The following PNPT1 variants were observed in gnomAD, a reference collection of about 807,000 sequenced individuals.
PNPT1 encodes the protein polyribonucleotide nucleotidyltransferase 1, mitochondrial.
A neutral mutation model predicts 119.5 loss-of-function variants in PNPT1; 53 were observed. The observed-to-expected ratio is 0.44, with a 90% confidence interval of 0.36 to 0.56. PNPT1 has a LOEUF of 0.56. PNPT1 is among the 20% of genes least tolerant of loss of function. The pLI, the probability that PNPT1 is intolerant of heterozygous loss-of-function variation, is 0.00. For missense variants in PNPT1, 948 were observed against 938.5 expected (o/e 1.01, Z -0.13); for synonymous variants, 357 against 322.1 (o/e 1.11, Z -1.16).
Position 55,640,669 on chromosome 2 carries a change from C to G in PNPT1, c.2106G>C (p.Met702Ile), listed in dbSNP as rs148804101. 41 of 1,592,790 alleles carry G rather than the reference C, an allele frequency of 2.6e-5. No individual in the cohort carries two copies. Among genetic ancestry groups the G allele is most frequent in the Admixed American group, 6.7e-5 (4 of 59,826 alleles). ...TGVMVKLYPN[M>I]TAVLLHNTQL... ...GTGTGTTATGAAGCAGTACCGCAGT[C>G]ATATTTGGATATAATTTTACCATTA... Residue 702 changes from methionine (M) to isoleucine (I), a missense_variant, in exon 26 of 28, where the codon ATG becomes ATC. Physicochemically the swap from Met to Ile is conservative, Grantham distance 10 (BLOSUM62 1). Coordinates refer to ENST00000447944, the MANE Select transcript of PNPT1 (RefSeq NM_033109.5).
At chr2:55,643,515 T>A (rs1176407015) in intron 23 of PNPT1, 90 bp from the exon 24 acceptor site, 1 of 1,119,808 alleles carries the variant, frequency 8.9e-7, no homozygotes, top group Non-Finnish European at 1.3e-6. Context: ...GGGGCTGAGG[T>A]GGGAGGATCA....
At position 55,636,226 on chromosome 2, in the gene PNPT1, A is replaced by C. The variant is rs1357493096; in HGVS notation, c.*11T>G. 8.7e-7 allele frequency: 1 copy of C among 1,143,892 alleles called. No individual in the cohort carries two copies. Among genetic ancestry groups the C allele is most frequent in the East Asian group, 3.6e-5 (1 of 28,104 alleles). 70.9% of individuals were successfully genotyped at this position (1,143,892 alleles called of 1,614,324 possible). On this transcript the variant is annotated 3_prime_UTR_variant, in exon 28 of 28. Coordinates refer to ENST00000447944, the MANE Select transcript of PNPT1 (RefSeq NM_033109.5). ...AAAATAGAATTCTAGAATTCTCTTT[A>C]AAAAAAAAAATCACTGAGAATTAGA...
intron 25 of PNPT1, 28 bp downstream of exon 25, chr2:55,643,130 C>G: frequency 1.9e-6 from 3 of 1,611,690 alleles, no homozygotes; most frequent in Non-Finnish European, 2.5e-6. Context: ...AAGGAAAATG[C>G]TCAGCATAGT....
intron 22 of PNPT1, 73 bp downstream of exon 22, chr2:55,645,276 G>A (rs1219626795): frequency 3.7e-5 from 36 of 979,410 alleles, no homozygotes; most frequent in East Asian, 1.5e-4. Context: ...CGCTCGCCTC[G>A]GCCTCCCAAA....
At chr2:55,656,102 A>G in intron 17 of PNPT1, 29 bp downstream of exon 17, 1 of 1,596,484 alleles carries the variant, frequency 6.3e-7, no homozygotes, top group Non-Finnish European at 8.5e-7. Context: ...GGTCTTTTCT[A>G]CTATGAAAGA....
intron 7 of PNPT1, among the ~76,000 whole-genome samples, chr2:55,680,026 C>T (rs1697195332): frequency 6.6e-6 from 1 of 152,126 alleles, no homozygotes; most frequent in Non-Finnish European, 1.5e-5. Context: ...TGGGATTATG[C>T]TCATGTTTGT....
intron 2 of PNPT1, among the ~76,000 whole-genome samples, chr2:55,687,259 G>T (rs1472156394): frequency 6.7e-6 from 1 of 149,450 alleles, no homozygotes; most frequent in Admixed American, 6.7e-5. Flanking sequence ...GGCCAACATG[G>T]TGAAACCCCG....
At chr2:55,649,743 G>C (rs917545133) in intron 18 of PNPT1, among the ~76,000 whole-genome samples, 1 of 152,178 alleles carries the variant, frequency 6.6e-6, no homozygotes, top group African/African-American at 2.4e-5. Flanking sequence ...TACATATTCT[G>C]TGGTCAAATA....
intron 17 of PNPT1, among the ~76,000 whole-genome samples, chr2:55,655,838 T>C (rs1696367158): frequency 2.0e-5 from 3 of 152,344 alleles, no homozygotes; most frequent in South Asian, 4.1e-4. Flanking sequence ...TTTTGGCCCT[T>C]CCTCTCTCTG....
intron 27 of PNPT1, among the ~76,000 whole-genome samples, chr2:55,636,646 ACCAGGC>A (rs754893387): frequency 6.6e-6 from 1 of 152,186 alleles, no homozygotes; most frequent in Non-Finnish European, 1.5e-5. Context: ...TTTTATTCTC[ACCAGGC>A]CAAGTCCTTA....
At chr2:55,688,288 C>T (rs894533158) in intron 1 of PNPT1, among the ~76,000 whole-genome samples, 3 of 152,044 alleles carry the variant, frequency 2.0e-5, no homozygotes, top group Non-Finnish European at 4.4e-5. Flanking sequence ...AATTCTCCTG[C>T]CTTGGCCTCC....
intron 18 of PNPT1, among the ~76,000 whole-genome samples, chr2:55,654,390 T>G (rs1696317790): frequency 1.3e-5 from 2 of 152,248 alleles, no homozygotes; most frequent in East Asian, 1.9e-4. Flanking sequence ...ATTGTTCTCT[T>G]GGCTTGTATA....
chr2:55,646,182 A>T, intron 21 of PNPT1, 77 bp downstream of exon 21: 2 of 1,343,958 alleles, frequency 1.5e-6, no homozygotes, highest in South Asian at 2.6e-5. Context: ...AATATTTTAT[A>T]ATAAGCCTAA....
chr2:55,647,510 A>T, intron 18 of PNPT1, 57 bp from the exon 19 acceptor site: 1 of 1,324,072 alleles, frequency 7.6e-7, no homozygotes. Flanking sequence ...TAAAACAAAT[A>T]TTTATCTATC....
rs12623293 is a variant in PNPT1 at position 55,645,124 on chromosome 2, T to C, written c.1822+225A>G. The C allele has an allele frequency of 0.12, 37,058 of 321,066 alleles. 2,725 individuals are homozygous for C. Among genetic ancestry groups the C allele is most frequent in the East Asian group, 0.21 (3,353 of 15,656 alleles). 19.9% of individuals were successfully genotyped at this position (321,066 alleles called of 1,614,324 possible). On this transcript the variant is annotated intron_variant, in intron 22 of 27. Transcript: ENST00000447944. Reference sequence around the variant, plus strand: ...CTGCAAGCTCCGCCTCCCGGGTTCATGCCATTCTCCTGCCTCAGCCTCCCG... The same window carrying C: ...CTGCAAGCTCCGCCTCCCGGGTTCACGCCATTCTCCTGCCTCAGCCTCCCG...
At position 55,680,711 on chromosome 2, in the gene PNPT1, C is replaced by T. The variant is rs1697221556; in HGVS notation, c.565+1G>A. 6.2e-7 allele frequency: 1 copy of T among 1,610,040 alleles called. No individual in the cohort carries two copies. The highest frequency in any genetic ancestry group is 8.5e-7 in the Non-Finnish European group (1 of 1,178,460). ...TTTCTTACTTTTAAATCCTAACTTA[C>T]CAACAGGTCCATTCCAAGGAATATC... is the stretch of plus-strand genomic sequence containing the variant. On this transcript the variant is annotated splice_donor_variant, in intron 7 of 27. Transcript: ENST00000447944. LOFTEE classifies it high-confidence loss of function.
intron 18 of PNPT1, among the ~76,000 whole-genome samples, chr2:55,652,703 T>G (rs1696250380): frequency 6.6e-6 from 1 of 152,238 alleles, no homozygotes; most frequent in African/African-American, 2.4e-5. Flanking sequence ...AAAGATATCA[T>G]AAACCGTAAA....
At chr2:55,663,302 T>C (rs927980617) in intron 13 of PNPT1, among the ~76,000 whole-genome samples, 1 of 152,128 alleles carries the variant, frequency 6.6e-6, no homozygotes, top group South Asian at 2.1e-4. Context: ...CAAGAGTCAG[T>C]GAGCATGAAG....
chr2:55,690,161 A>G (rs1267083758), intron 1 of PNPT1, among the ~76,000 whole-genome samples: 2 of 152,204 alleles, frequency 1.3e-5, no homozygotes, highest in African/African-American at 2.4e-5. Context: ...TATGTGAATT[A>G]TATCTTAATA....
Sources: gnomAD v4.1 joint callset for allele counts (sites outside exome capture counted in the v4.1 genomes callset) on GRCh38, gnomAD v4.1.1 for gene constraint, MANE v1.5 for transcripts, NCBI Gene and HGNC (gene_info 2026-07-23, HGNC 2026-07-21) for gene names.